The following PPP1R11 variants were observed in gnomAD, a reference collection of about 807,000 sequenced individuals.
The protein encoded by PPP1R11 is E3 ubiquitin-protein ligase PPP1R11.
A neutral mutation model predicts 11.3 loss-of-function variants in PPP1R11; 10 were observed. The ratio of observed to expected loss-of-function variants is 0.88; its 90% CI spans 0.55 to 1.50. The LOEUF (loss-of-function observed/expected upper bound fraction) is 1.50, where lower values mean the gene tolerates loss of function less well. PPP1R11 is among the 40% of genes most tolerant of loss of function. PPP1R11 has a pLI of 0.00. For missense variants in PPP1R11, 114 were observed against 179.1 expected, an observed-to-expected ratio of 0.64 and a Z score of 2.07; for synonymous variants, 56 against 62.3, an observed-to-expected ratio of 0.90 and a Z score of 0.48.
chr6:30,061,790 G>A, upstream of PPP1R11: 1 of 1,559,596 alleles, frequency 6.4e-7, no homozygotes, highest in Non-Finnish European at 8.8e-7. The surrounding 1 kb of genome is among the most constrained non-coding windows in gnomAD (Gnocchi z 5.0). Context: ...TGTACATTTG[G>A]TCTAGCGATG....
At chr6:30,064,327 AT>A (rs1197347560), upstream of PPP1R11, among the ~76,000 whole-genome samples, 2 of 150,308 alleles carry the variant, frequency 1.3e-5, no homozygotes, top group African/African-American at 2.4e-5. Flanking sequence ...TAAAAAGAAG[AT>A]TTTTTTTCCC....
At chr6:30,062,376 C>T (rs775842288), upstream of PPP1R11, 1 of 1,335,240 alleles carries the variant, frequency 7.5e-7, no homozygotes, top group Non-Finnish European at 1.1e-6. Context: ...TGTTTGCTAA[C>T]TAAACAAATC....
chr6:30,061,927 G>A (rs749654228), upstream of PPP1R11: 16 of 1,613,004 alleles, frequency 9.9e-6, no homozygotes, highest in South Asian at 1.8e-4. This position sits in a 1 kb window ranked among gnomAD's most constrained non-coding sequence, Gnocchi z 5.0. Context: ...ACTTTGAGGG[G>A]AAGGTTGTGA....
At chr6:30,061,864 G>A (rs17187665), upstream of PPP1R11, 17,715 of 1,591,150 alleles carry the variant, frequency 0.011, 146 homozygotes, top group Non-Finnish European at 0.014. This position sits in a 1 kb window ranked among gnomAD's most constrained non-coding sequence, Gnocchi z 5.0. Flanking sequence ...GGAGGTTTCC[G>A]GTGTCAGCTC....
chr6:30,067,690 A>C (rs1470700235), intron 1 of PPP1R11: 1 of 575,328 alleles, frequency 1.7e-6, no homozygotes, highest in Non-Finnish European at 3.1e-6. Flanking sequence ...TGTAATAGGG[A>C]GGTACAGTTA....
chr6:30,067,238 G>C lies in PPP1R11; in HGVS notation c.-173G>C. On this transcript the variant is annotated 5_prime_UTR_variant, in exon 1 of 3. Coordinates refer to ENST00000376772, the MANE Select transcript of PPP1R11 (RefSeq NM_021959.3). The stretch of plus-strand genomic sequence containing the variant: ...GGCGAGCCGGAAGTGGGGTTAGCCA[G>C]GTTATCCCCAGGGGTGGAGAAGCGG... The C allele has an allele frequency of 1.6e-6, 1 of 643,758 alleles. No homozygotes were observed. 39.9% of individuals were successfully genotyped at this position (643,758 alleles called of 1,614,324 possible).
intron 1 of PPP1R11, among the ~76,000 whole-genome samples, chr6:30,068,039 T>C (rs184300090): frequency 6.6e-6 from 1 of 152,336 alleles, no homozygotes; most frequent in Non-Finnish European, 1.5e-5. Context: ...TGCATTGGGC[T>C]TAATACTCTT....
chr6:30,061,691 G>A, the PPP1R11 span: 7 of 1,612,200 alleles, frequency 4.3e-6, no homozygotes, highest in South Asian at 1.1e-5. This position sits in a 1 kb window ranked among gnomAD's most constrained non-coding sequence, Gnocchi z 5.0. Context: ...GTACGCAGGG[G>A]TCCTGGCGGA....
chr6:30,069,218 G>T lies in PPP1R11; in HGVS notation c.293G>T (p.Arg98Leu), dbSNP rs1398067515. Reference protein sequence around the residue: ...THCVRGHRKGRRRATLGPTPT... With the variant: ...THCVRGHRKGLRRATLGPTPT... ...TGTGTACGTGGCCACCGCAAAGGACGGCGTCGTGCAACCCTAGGACCGACC... is the reference window on the plus strand; with the variant it reads ...TGTGTACGTGGCCACCGCAAAGGACTGCGTCGTGCAACCCTAGGACCGACC... Residue 98 changes from arginine (R) to leucine (L), a missense_variant, in exon 3 of 3, where the codon CGG becomes CTG. Coordinates refer to ENST00000376772, the MANE Select transcript of PPP1R11 (RefSeq NM_021959.3). This position sits in a 1 kb window ranked among gnomAD's most constrained non-coding sequence, Gnocchi z 6.6. 1.9e-6 allele frequency: 3 copies of T among 1,612,844 alleles called. No individual in the cohort carries two copies. Among genetic ancestry groups the T allele is most frequent in the Non-Finnish European group, 2.5e-6 (3 of 1,180,010 alleles).
rs770824731 is a variant in PPP1R11 at position 30,067,498 on chromosome 6, C to T, written c.69+19C>T. ...CGAGCCCGTGAGAAAGGCGGGGGGG[C>T]GGTGCTGTTTAGGGGTCTGGGAGAT... On this transcript the variant is annotated intron_variant, in intron 1 of 2. Coordinates refer to ENST00000376772, the MANE Select transcript of PPP1R11 (RefSeq NM_021959.3). 6.8e-6 allele frequency: 11 copies of T among 1,610,518 alleles called. No individual in the cohort carries two copies. The highest frequency in any genetic ancestry group is 1.3e-5 in the African/African-American group (1 of 74,666).
chr6:30,067,260 G>C lies in PPP1R11; in HGVS notation c.-151G>C. ...CCAGGTTATCCCCAGGGGTGGAGAA[G>C]CGGAGGCCCAGGAGGAGGGGGAATA... On this transcript the variant is annotated 5_prime_UTR_variant, in exon 1 of 3. Coordinates refer to ENST00000376772, the MANE Select transcript of PPP1R11 (RefSeq NM_021959.3). The C allele has an allele frequency of 1.3e-6, 1 of 777,038 alleles. No individual in the cohort carries two copies. The allele number at this position is 777,038 out of a possible 1,614,324, so 48.1% of individuals were successfully genotyped here.
the PPP1R11 span, chr6:30,061,566 G>A: frequency 1.2e-6 from 2 of 1,613,070 alleles, no homozygotes; most frequent in Non-Finnish European, 1.7e-6. This position sits in a 1 kb window ranked among gnomAD's most constrained non-coding sequence, Gnocchi z 5.0. Context: ...CCAGCTTTCA[G>A]TCGGACCTGG....
At chr6:30,061,810 G>A, upstream of PPP1R11, 2 of 1,551,276 alleles carry the variant, frequency 1.3e-6, no homozygotes, top group Non-Finnish European at 1.8e-6. The surrounding 1 kb of genome is among the most constrained non-coding windows in gnomAD (Gnocchi z 5.0). Flanking sequence ...GAAAACTGAG[G>A]GAAAGGATGT....
At position 30,069,051 on chromosome 6, in the gene PPP1R11, C is replaced by CT; in HGVS notation, c.179-52dup. On this transcript the variant is annotated intron_variant, in intron 2 of 2. Coordinates refer to ENST00000376772, the MANE Select transcript of PPP1R11 (RefSeq NM_021959.3). The surrounding 1 kb of genome is among the most constrained non-coding windows in gnomAD (Gnocchi z 6.6). ...TGAGTTTGAGTGGGAATGGAACTGACTATATATCTTACCCTTCCTCCTCTT... is the reference window on the plus strand; with the variant it reads ...TGAGTTTGAGTGGGAATGGAACTGACTTATATATCTTACCCTTCCTCCTCTT... 2 of 1,489,100 alleles carry CT rather than the reference C, an allele frequency of 1.3e-6. No homozygotes were observed. Among genetic ancestry groups the CT allele is most frequent in the Non-Finnish European group, 1.9e-6 (2 of 1,070,904 alleles). The allele number at this position is 1,489,100 out of a possible 1,614,324, so 92.2% of individuals were successfully genotyped here.
In PPP1R11 at chr6:30,067,312, C is replaced by T. The variant is rs1150738; in HGVS notation, c.-99C>T. On this transcript the variant is annotated 5_prime_UTR_variant, in exon 1 of 3. Coordinates refer to ENST00000376772, the MANE Select transcript of PPP1R11 (RefSeq NM_021959.3). ...AGAAGGTGGAGGATCCTGGCTACCA[C>T]TCTGAATCCGATACCGCTTCTCTTA... is the stretch of plus-strand genomic sequence containing the variant. 7.8e-7 allele frequency: 1 copy of T among 1,280,114 alleles called. No individual in the cohort carries two copies. Among genetic ancestry groups the T allele is most frequent in the South Asian group, 1.3e-5 (1 of 78,598 alleles). The allele number at this position is 1,280,114 out of a possible 1,614,324, so 79.3% of individuals were successfully genotyped here.
In PPP1R11 at chr6:30,069,425, C is replaced by T. The variant is rs371455524; in HGVS notation, c.*119C>T. The T allele has an allele frequency of 6.9e-5, 57 of 827,808 alleles. No individual in the cohort carries two copies. Among genetic ancestry groups the T allele is most frequent in the African/African-American group, 4.8e-4 (28 of 57,894 alleles). The allele number at this position is 827,808 out of a possible 1,614,324, so 51.3% of individuals were successfully genotyped here. ...GATAGAGGGAAGAGGAAGAGGAGGA[C>T]GAACAGAGATCCTGAAATTCTGACT... On this transcript the variant is annotated 3_prime_UTR_variant, in exon 3 of 3. Coordinates refer to ENST00000376772, the MANE Select transcript of PPP1R11 (RefSeq NM_021959.3). This position sits in a 1 kb window ranked among gnomAD's most constrained non-coding sequence, Gnocchi z 6.6.
At chr6:30,061,639 A>G in the PPP1R11 span, 1 of 1,613,010 alleles carries the variant, frequency 6.2e-7, no homozygotes, top group Non-Finnish European at 8.5e-7. This position sits in a 1 kb window ranked among gnomAD's most constrained non-coding sequence, Gnocchi z 5.0. Flanking sequence ...GGTCACCTGT[A>G]TTCGCTGTGG....
upstream of PPP1R11, among the ~76,000 whole-genome samples, chr6:30,065,122 G>C (rs1765402139): frequency 6.6e-6 from 1 of 152,292 alleles, no homozygotes; most frequent in Non-Finnish European, 1.5e-5. The surrounding 1 kb of genome is among the most constrained non-coding windows in gnomAD (Gnocchi z 5.3). Flanking sequence ...TAGGAATTTG[G>C]ATAGTGAGAC....
intron 1 of PPP1R11, among the ~76,000 whole-genome samples, chr6:30,067,832 C>G (rs1447674502): frequency 1.3e-5 from 2 of 151,780 alleles, no homozygotes; most frequent in Non-Finnish European, 2.9e-5. Context: ...TGGAGGCCAA[C>G]TTATCAATAT....
Sources: allele counts gnomAD v4.1 joint callset (sites outside exome capture counted in the v4.1 genomes callset), GRCh38; gene constraint gnomAD v4.1.1; non-coding constraint Gnocchi (gnomAD v3.1); transcripts MANE v1.5; gene names NCBI Gene and HGNC (gene_info 2026-07-23, HGNC 2026-07-21).